Variants in ATXN1 observed in about 807,000 individuals in gnomAD.
ATXN1 encodes the protein ataxin-1.
ATXN1 carries 8 observed loss-of-function variants against 56.4 expected under a neutral mutation model. The observed-to-expected ratio is 0.14, with a 90% confidence interval of 0.08 to 0.26. The LOEUF is 0.26. Ranked by LOEUF, ATXN1 falls within the 10% of genes least tolerant of loss-of-function variation. The pLI, the probability that ATXN1 is intolerant of heterozygous loss-of-function variation, is 1.00. For synonymous variants in ATXN1, 514 were observed against 494.6 expected (o/e 1.04, Z -0.52); for missense variants, 987 against 1,106.5 (o/e 0.89, Z 1.53).
intron 6 of ATXN1, among the ~76,000 whole-genome samples, chr6:16,451,599 T>C (rs1343033894): frequency 6.6e-6 from 1 of 151,480 alleles, no homozygotes; most frequent in African/African-American, 2.4e-5. Flanking sequence ...CTGCTAAAAA[T>C]GTAAAATTAG....
chr6:16,339,927 C>T (rs976990354), intron 6 of ATXN1, among the ~76,000 whole-genome samples: 2 of 152,156 alleles, frequency 1.3e-5, no homozygotes, highest in Non-Finnish European at 2.9e-5. Flanking sequence ...GGACTACAGG[C>T]GCATGCCACC....
intron 4 of ATXN1, among the ~76,000 whole-genome samples, chr6:16,558,008 G>A (rs897681131): frequency 2.6e-5 from 4 of 152,180 alleles, no homozygotes; most frequent in Admixed American, 6.5e-5. Flanking sequence ...GATACCAGGG[G>A]CCAGAAGGTA....
intron 2 of ATXN1, among the ~76,000 whole-genome samples, chr6:16,691,446 A>G (rs1397111724): frequency 6.6e-6 from 1 of 152,256 alleles, no homozygotes; most frequent in Non-Finnish European, 1.5e-5. Flanking sequence ...TTTAAAATTT[A>G]AAACCACATT....
chr6:16,466,133 A>G (rs1381206639), intron 6 of ATXN1, among the ~76,000 whole-genome samples: 8 of 151,822 alleles, frequency 5.3e-5, no homozygotes, highest in Non-Finnish European at 8.8e-5. Flanking sequence ...TGGCTAACAC[A>G]GTGAAACCCC....
At chr6:16,580,960 A>G (rs1471720265) in intron 4 of ATXN1, among the ~76,000 whole-genome samples, 1 of 152,196 alleles carries the variant, frequency 6.6e-6, no homozygotes, top group Non-Finnish European at 1.5e-5. Context: ...TCTGTGTTTT[A>G]AATACTTAAT....
At chr6:16,710,048 G>T (rs1447487566) in intron 2 of ATXN1, among the ~76,000 whole-genome samples, 1 of 152,062 alleles carries the variant, frequency 6.6e-6, no homozygotes, top group Non-Finnish European at 1.5e-5. Flanking sequence ...AAAGAGAATA[G>T]AAGGAAACTT....
intron 6 of ATXN1, among the ~76,000 whole-genome samples, chr6:16,420,234 G>A (rs768158616): frequency 2.6e-4 from 39 of 152,280 alleles, no homozygotes; most frequent in Non-Finnish European, 4.4e-4. Context: ...TACTTCCCCG[G>A]TATGAGGGCA....
intron 4 of ATXN1, among the ~76,000 whole-genome samples, chr6:16,526,041 CTA>C (rs71769107): frequency 0.011 from 1,399 of 126,970 alleles, 36 homozygotes; most frequent in Middle Eastern, 0.024. Flanking sequence ...AGAAATAAAT[CTA>C]TATATATATA....
At chr6:16,597,335 C>T (rs1229121108) in intron 3 of ATXN1, among the ~76,000 whole-genome samples, 1 of 152,188 alleles carries the variant, frequency 6.6e-6, no homozygotes, top group African/African-American at 2.4e-5. Flanking sequence ...TTTCTGCCCA[C>T]AATTATGGCA....
chr6:16,618,931 G>T (rs180876645), intron 3 of ATXN1, among the ~76,000 whole-genome samples: 6 of 152,110 alleles, frequency 3.9e-5, no homozygotes, highest in Non-Finnish European at 7.4e-5. Flanking sequence ...ATAAATACAT[G>T]TAATTGTGAG....
rs1013619872 is a variant in ATXN1 at position 16,734,500 on chromosome 6, C to T, written c.-615+18733G>A. Among the ~76,000 whole-genome samples the T allele has an allele frequency of 7.2e-5, 11 of 152,220 alleles. No individual in the cohort carries two copies. The South Asian group carries it at 8.3e-4, about 11-fold the overall frequency. ...GCTGGTGTGCATTTTTGTGTACTTT[C>T]GTGAAAAATATATGTATACTTTTTT... is the stretch of plus-strand genomic sequence containing the variant. On this transcript the variant is annotated intron_variant, in intron 2 of 7. Coordinates refer to ENST00000436367, the MANE Select transcript of ATXN1 (RefSeq NM_001128164.2).
intron 5 of ATXN1, among the ~76,000 whole-genome samples, chr6:16,512,108 C>T (rs1024234439): frequency 4.6e-4 from 70 of 152,204 alleles, no homozygotes; most frequent in Non-Finnish European, 7.6e-4. Flanking sequence ...CAAAGGCCTC[C>T]CCGCCTCCAT....
chr6:16,323,851 A>C (rs1448396741), intron 7 of ATXN1, among the ~76,000 whole-genome samples: 1 of 152,080 alleles, frequency 6.6e-6, no homozygotes, highest in Non-Finnish European at 1.5e-5. Flanking sequence ...ACCCACCCCT[A>C]ATTCATGCAG....
intron 1 of ATXN1, chr6:16,761,006 C>G (rs1261826990): frequency 1.3e-5 from 2 of 155,848 alleles, no homozygotes; most frequent in African/African-American, 4.8e-5. Flanking sequence ...CGCCCCTGCG[C>G]CCAGAGTGGG....
intron 7 of ATXN1, among the ~76,000 whole-genome samples, chr6:16,316,900 C>A (rs1760525416): frequency 1.2e-5 from 1 of 83,816 alleles, no homozygotes; most frequent in Admixed American, 1.2e-4. Context: ...TTTAACCAGC[C>A]AGAACTAAAG....
intron 6 of ATXN1, among the ~76,000 whole-genome samples, chr6:16,432,026 T>C (rs540738014): frequency 1.3e-5 from 2 of 152,310 alleles, no homozygotes; most frequent in African/African-American, 2.4e-5. Context: ...GTGATGGAAA[T>C]GGTGGATAAT....
intron 2 of ATXN1, among the ~76,000 whole-genome samples, chr6:16,690,885 G>C (rs914947384): frequency 3.3e-5 from 5 of 152,122 alleles, no homozygotes; most frequent in African/African-American, 1.2e-4. Context: ...AACACAACCT[G>C]TGCCTCCTGT....
chr6:16,706,018 G>C (rs1044192452), intron 2 of ATXN1, among the ~76,000 whole-genome samples: 1 of 151,686 alleles, frequency 6.6e-6, no homozygotes, highest in African/African-American at 2.4e-5. Flanking sequence ...CCCCTCTAGC[G>C]GTGTCAGGCC....
chr6:16,632,537 C>A (rs145524986), intron 3 of ATXN1, among the ~76,000 whole-genome samples: 55 of 152,274 alleles, frequency 3.6e-4, no homozygotes, highest in African/African-American at 1.2e-3. Context: ...GGCCATGCCA[C>A]CAGCACAGCA....
Sources: gnomAD v4.1 joint callset for allele counts (sites outside exome capture counted in the v4.1 genomes callset) on GRCh38, gnomAD v4.1.1 for gene constraint, MANE v1.5 for transcripts, NCBI Gene and HGNC (gene_info 2026-07-23, HGNC 2026-07-21) for gene names.